PRMT3: variants seen among roughly 807,000 people sequenced by gnomAD.
The protein encoded by PRMT3 is protein arginine methyltransferase 3.
In PRMT3, 62 loss-of-function variants were observed where a neutral mutation model predicts 71.9. The ratio of observed to expected loss-of-function variants is 0.86; its 90% CI spans 0.70 to 1.07. PRMT3 has a LOEUF of 1.07. PRMT3 is among the 50% of genes least tolerant of loss of function. The probability of loss-of-function intolerance (pLI) is 0.00; values close to 1 mark genes in which losing one functional copy is unlikely to be tolerated. For synonymous variants in PRMT3, 213 were observed against 220.4 expected, an observed-to-expected ratio of 0.97 and a Z score of 0.30; for missense variants, 663 against 643.0, an observed-to-expected ratio of 1.03 and a Z score of -0.34.
At chr11:20,456,800 A>G (rs1850276682) in intron 11 of PRMT3, among the ~76,000 whole-genome samples, 1 of 152,224 alleles carries the variant, frequency 6.6e-6, no homozygotes, top group Non-Finnish European at 1.5e-5. Flanking sequence ...TAAATTTGGA[A>G]TTGGAATGAT....
intron 11 of PRMT3, among the ~76,000 whole-genome samples, chr11:20,461,001 A>G (rs1001513552): frequency 6.6e-6 from 1 of 152,200 alleles, no homozygotes; most frequent in African/African-American, 2.4e-5. Context: ...TGGTTTGTCT[A>G]AAATCAAAAT....
chr11:20,419,984 CA>C (rs753612757), intron 9 of PRMT3, among the ~76,000 whole-genome samples: 24 of 152,284 alleles, frequency 1.6e-4, no homozygotes, highest in Non-Finnish European at 2.9e-4. Context: ...CCAGCCTGAG[CA>C]ACATGGCGAA....
rs1348116312 is a variant in PRMT3 at position 20,389,815 on chromosome 11, T to G, written c.236T>G (p.Val79Gly). 6.2e-7 allele frequency: 1 copy of G among 1,608,606 alleles called. No individual in the cohort carries two copies. The highest frequency in any genetic ancestry group is 8.5e-7 in the Non-Finnish European group (1 of 1,175,324). ...CATCAGTTTAATATTGACAGCATGG[T>G]TCATAAACATGGTGAGTAGTTTTTA... ...SEHQFNIDSMVHKHGLEFYGY... is the reference protein window; with the variant it reads ...SEHQFNIDSMGHKHGLEFYGY... Residue 79 changes from valine to glycine, a missense_variant, in exon 3 of 16, where the codon GTT becomes GGT. By Grantham distance (109) the Val-to-Gly change is moderately radical. Transcript: ENST00000331079.
chr11:20,489,007 A>G (rs865927679), intron 13 of PRMT3, among the ~76,000 whole-genome samples: 1 of 152,218 alleles, frequency 6.6e-6, no homozygotes, highest in South Asian at 2.1e-4. Flanking sequence ...ACAGAGCTCC[A>G]TGCTTGTATT....
At chr11:20,482,910 T>TTA (rs1850975775) in intron 13 of PRMT3, among the ~76,000 whole-genome samples, 1 of 152,022 alleles carries the variant, frequency 6.6e-6, no homozygotes, top group African/African-American at 2.4e-5. Context: ...AGAATATACC[T>TTA]TATAATATTT....
chr11:20,389,681 C>A, intron 2 of PRMT3, 63 bp from the exon 3 acceptor site: 8 of 1,110,774 alleles, frequency 7.2e-6, no homozygotes, highest in South Asian at 2.9e-5. Context: ...GTATATGTAA[C>A]ATGAAATCAG....
At chr11:20,498,324 A>G (rs1851379435) in intron 15 of PRMT3, among the ~76,000 whole-genome samples, 1 of 152,240 alleles carries the variant, frequency 6.6e-6, no homozygotes, top group Non-Finnish European at 1.5e-5. Context: ...GGATAAGCTC[A>G]AAACACCAAA....
Position 20,392,228 on chromosome 11 carries a change from T to A in PRMT3, c.265T>A (p.Tyr89Asn), listed in dbSNP as rs1482995373. The change falls in exon 4 of 16, where the codon TAC (tyrosine) becomes AAC (asparagine). Residue 89 changes from tyrosine (Y) to asparagine (N), a missense_variant. Transcript: ENST00000331079. ...VHKHGLEFYG[Y>N]IKLINFIRLK... is the part of the protein sequence containing the mutation. Reference sequence around the variant, plus strand: ...CCCTTTAGGACTTGAATTTTATGGATACATTAAGCTAATAAATTTTATTAG... The same window carrying A: ...CCCTTTAGGACTTGAATTTTATGGAAACATTAAGCTAATAAATTTTATTAG... 2 of 1,566,310 alleles carry A rather than the reference T, an allele frequency of 1.3e-6. No individual in the cohort carries two copies. The highest frequency in any genetic ancestry group is 1.7e-6 in the Non-Finnish European group (2 of 1,149,336).
chr11:20,482,645 A>G (rs902286655), intron 13 of PRMT3, among the ~76,000 whole-genome samples: 6 of 152,074 alleles, frequency 3.9e-5, no homozygotes, highest in African/African-American at 1.4e-4. Flanking sequence ...CCATGGAGTA[A>G]TGACGTATAA....
chr11:20,429,185 G>C lies in PRMT3; in HGVS notation c.993+2320G>C, dbSNP rs539213129. On this transcript the variant is annotated intron_variant, in intron 10 of 15. Coordinates refer to ENST00000331079, the MANE Select transcript of PRMT3 (RefSeq NM_005788.4). ...GAAGACAGTTTTCCCATGGATTGGG[G>C]GATGGGGATGGGATGGTTTCAGGAT... Among the ~76,000 whole-genome samples the C allele has an allele frequency of 5.1e-4, 77 of 152,264 alleles. 1 individual carries two copies. The South Asian group carries it at 8.3e-3, about 16-fold the overall frequency.
At chr11:20,492,681 T>C (rs1590108012) in intron 13 of PRMT3, among the ~76,000 whole-genome samples, 1 of 152,172 alleles carries the variant, frequency 6.6e-6, no homozygotes, top group Non-Finnish European at 1.5e-5. Context: ...CTAGTTCCAA[T>C]AGTGAAAGAA....
At chr11:20,459,577 A>G (rs1394390648) in intron 11 of PRMT3, among the ~76,000 whole-genome samples, 1 of 152,176 alleles carries the variant, frequency 6.6e-6, no homozygotes, top group East Asian at 1.9e-4. Context: ...CACAAAACCT[A>G]AACTGGTAAT....
chr11:20,464,944 GA>G (rs1410531400), intron 13 of PRMT3, among the ~76,000 whole-genome samples: 3 of 151,982 alleles, frequency 2.0e-5, no homozygotes, highest in East Asian at 1.9e-4. Flanking sequence ...ATTTATGTAT[GA>G]AAAAATTACT....
intron 15 of PRMT3, among the ~76,000 whole-genome samples, chr11:20,495,005 G>A (rs891057511): frequency 6.6e-6 from 1 of 152,056 alleles, no homozygotes; most frequent in African/African-American, 2.4e-5. Flanking sequence ...GAGGCAGGAG[G>A]ATAACTTGAG....
intron 13 of PRMT3, among the ~76,000 whole-genome samples, chr11:20,478,447 C>G (rs1165097048): frequency 6.6e-6 from 1 of 151,284 alleles, no homozygotes; most frequent in East Asian, 2.0e-4. Flanking sequence ...CTTTGATGAT[C>G]TACTTGATAG....
At chr11:20,390,789 C>CT (rs1170203048) in intron 3 of PRMT3, among the ~76,000 whole-genome samples, 1 of 152,174 alleles carries the variant, frequency 6.6e-6, no homozygotes, top group African/African-American at 2.4e-5. Flanking sequence ...ACCATCCTGG[C>CT]TAACCCAGTG....
At chr11:20,449,322 C>A (rs2133383676) in intron 10 of PRMT3, among the ~76,000 whole-genome samples, 1 of 152,222 alleles carries the variant, frequency 6.6e-6, no homozygotes, top group South Asian at 2.1e-4. Context: ...GATTGCACAC[C>A]TGTTGTAAAT....
At chr11:20,403,477 T>G (rs2133314662) in intron 8 of PRMT3, among the ~76,000 whole-genome samples, 1 of 152,322 alleles carries the variant, frequency 6.6e-6, no homozygotes, top group Admixed American at 6.5e-5. Context: ...TAGAGATACT[T>G]TGTATTTTAC....
intron 15 of PRMT3, among the ~76,000 whole-genome samples, chr11:20,494,731 T>G (rs1279246306): frequency 1.3e-5 from 2 of 152,174 alleles, no homozygotes; most frequent in Non-Finnish European, 2.9e-5. Flanking sequence ...AAAGACATAA[T>G]TTAAGAAAAA....
Sources: gnomAD v4.1 joint callset for allele counts (sites outside exome capture counted in the v4.1 genomes callset) on GRCh38, gnomAD v4.1.1 for gene constraint, MANE v1.5 for transcripts, NCBI Gene and HGNC (gene_info 2026-07-23, HGNC 2026-07-21) for gene names.